C12orf42: variants seen among roughly 807,000 people sequenced by gnomAD.
The protein encoded by C12orf42 is uncharacterized protein C12orf42.
Under a neutral mutation model 21.6 loss-of-function variants are expected in C12orf42, and 25 were observed. The observed-to-expected ratio is 1.16, with a 90% confidence interval of 0.84 to 1.62. The LOEUF (loss-of-function observed/expected upper bound fraction) is 1.62, where lower values mean the gene tolerates loss of function less well. Ranked by LOEUF, C12orf42 falls within the 40% of genes most tolerant of loss-of-function variation. C12orf42 has a pLI of 0.00. For synonymous variants in C12orf42, 174 were observed against 175.0 expected, an observed-to-expected ratio of 0.99 and a Z score of 0.05; for missense variants, 483 against 459.3, an observed-to-expected ratio of 1.05 and a Z score of -0.47.
intron 2 of C12orf42, among the ~76,000 whole-genome samples, chr12:103,409,008 A>C (rs1355321851): frequency 6.6e-6 from 1 of 152,236 alleles, no homozygotes; most frequent in Non-Finnish European, 1.5e-5. Flanking sequence ...ACAGGAATAA[A>C]GAGAGTTAGG....
At chr12:103,542,739 T>A in the C12orf42 span, among the ~76,000 whole-genome samples, 4 of 152,252 alleles carry the variant, frequency 2.6e-5, no homozygotes, top group African/African-American at 9.6e-5. Flanking sequence ...CTCCTGCACA[T>A]CCTCCTTTTA....
In C12orf42 at chr12:103,405,044, A is replaced by G. The variant is rs12306992; in HGVS notation, c.79-3369T>C. 6.2e-3 allele frequency among the ~76,000 whole-genome samples: 946 copies of G among 152,324 alleles called. 6 individuals are homozygous for G. The highest frequency in any genetic ancestry group is 0.021 in the African/African-American group (864 of 41,562). On this transcript the variant is annotated intron_variant, in intron 2 of 5. Transcript: ENST00000548883. ...TCCTTGTCACTGACGATTTTGTAACATGATTCTCCAGATGAGTGTTTGACC... is the reference window on the plus strand; with the variant it reads ...TCCTTGTCACTGACGATTTTGTAACGTGATTCTCCAGATGAGTGTTTGACC...
At chr12:103,520,812 G>C in the C12orf42 span, among the ~76,000 whole-genome samples, 2 of 152,218 alleles carry the variant, frequency 1.3e-5, no homozygotes, top group Non-Finnish European at 2.9e-5. Flanking sequence ...ACACTCATCT[G>C]TCTCTCTCTT....
chr12:103,521,289 C>G, the C12orf42 span, among the ~76,000 whole-genome samples: 1 of 152,150 alleles, frequency 6.6e-6, no homozygotes, highest in Non-Finnish European at 1.5e-5. Flanking sequence ...GACATGGAAT[C>G]AATCCAAATG....
intron 2 of C12orf42, among the ~76,000 whole-genome samples, chr12:103,462,096 G>GTTTTTTGTTTTTTTTT: frequency 3.6e-5 from 1 of 27,732 alleles, no homozygotes; most frequent in East Asian, 1.1e-3. Flanking sequence ...TTTTTGCTTG[G>GTTTTTTGTTTTTTTTT]TTTTTTTTTT....
intron 4 of C12orf42, among the ~76,000 whole-genome samples, chr12:103,281,031 A>G (rs2036081852): frequency 6.6e-6 from 1 of 152,224 alleles, no homozygotes; most frequent in Non-Finnish European, 1.5e-5. Flanking sequence ...TGGCATCTAA[A>G]CTGACAGTTG....
At chr12:103,433,964 T>A (rs373951724) in intron 2 of C12orf42, among the ~76,000 whole-genome samples, 1 of 152,350 alleles carries the variant, frequency 6.6e-6, no homozygotes, top group South Asian at 2.1e-4. Context: ...AATGGCATGA[T>A]GTTCGAGAAT....
chr12:103,257,347 G>T (rs1322190215), intron 10 of C12orf42, among the ~76,000 whole-genome samples: 1 of 151,890 alleles, frequency 6.6e-6, no homozygotes, highest in African/African-American at 2.4e-5. Context: ...ATATACCCCT[G>T]AATATAAAAT....
chr12:103,542,175 T>C, the C12orf42 span, among the ~76,000 whole-genome samples: 1 of 152,236 alleles, frequency 6.6e-6, no homozygotes, highest in African/African-American at 2.4e-5. Flanking sequence ...TTTCTTGGGA[T>C]GTTGAAAGAA....
intron 4 of C12orf42, among the ~76,000 whole-genome samples, chr12:103,308,196 C>T (rs1384938585): frequency 3.9e-5 from 6 of 152,012 alleles, no homozygotes; most frequent in Non-Finnish European, 8.8e-5. Flanking sequence ...TAGTAGTTGG[C>T]ATTTAGAAAA....
At chr12:103,357,235 A>G (rs2137601440) in intron 4 of C12orf42, among the ~76,000 whole-genome samples, 1 of 151,964 alleles carries the variant, frequency 6.6e-6, no homozygotes, top group Non-Finnish European at 1.5e-5. Flanking sequence ...AGCATGGCAC[A>G]TGTGTACATA....
At chr12:103,436,401 A>C (rs567076211) in intron 2 of C12orf42, among the ~76,000 whole-genome samples, 1 of 152,176 alleles carries the variant, frequency 6.6e-6, no homozygotes, top group East Asian at 1.9e-4. Flanking sequence ...ACACATAAAA[A>C]TATTAACTTT....
chr12:103,322,149 A>G (rs1034181286), intron 4 of C12orf42, among the ~76,000 whole-genome samples: 5 of 148,272 alleles, frequency 3.4e-5, no homozygotes, highest in African/African-American at 1.3e-4. Flanking sequence ...ACACACACAC[A>G]CGCACACGCA....
chr12:103,489,252 C>A (rs1459216944), intron 1 of C12orf42, among the ~76,000 whole-genome samples: 3 of 152,212 alleles, frequency 2.0e-5, no homozygotes, highest in Non-Finnish European at 4.4e-5. Flanking sequence ...ACTCCAGACC[C>A]TGTTTGCCTG....
chr12:103,543,884 TTTTTTTGTTTTG>T, the C12orf42 span, among the ~76,000 whole-genome samples: 1 of 112,842 alleles, frequency 8.9e-6, no homozygotes, highest in Admixed American at 7.9e-5. Flanking sequence ...TTTTGGGTTT[TTTTTTTGTTTTG>T]TTTTTTGTTT....
chr12:103,402,441 C>T (rs2048081016), intron 2 of C12orf42, among the ~76,000 whole-genome samples: 1 of 152,130 alleles, frequency 6.6e-6, no homozygotes, highest in Non-Finnish European at 1.5e-5. Context: ...TAGTCATGCT[C>T]CTCAAGGTCT....
chr12:103,057,955 A>T, the C12orf42 span, among the ~76,000 whole-genome samples: 1 of 151,604 alleles, frequency 6.6e-6, no homozygotes, highest in African/African-American at 2.4e-5. Context: ...GATCAGTGAT[A>T]ATGAGCTTTT....
the C12orf42 span, among the ~76,000 whole-genome samples, chr12:103,511,898 A>C: frequency 6.6e-6 from 1 of 152,210 alleles, no homozygotes; most frequent in South Asian, 2.1e-4. Context: ...AAAGGACACA[A>C]TCAGGGCAGC....
chr12:103,109,876 A>G, the C12orf42 span, among the ~76,000 whole-genome samples: 3 of 152,128 alleles, frequency 2.0e-5, no homozygotes, highest in Non-Finnish European at 4.4e-5. Context: ...CTCAATGTCC[A>G]CAATGAAATG....
Sources: allele counts gnomAD v4.1 joint callset (sites outside exome capture counted in the v4.1 genomes callset), GRCh38; gene constraint gnomAD v4.1.1; transcripts MANE v1.5; gene names NCBI Gene and HGNC (gene_info 2026-07-23, HGNC 2026-07-21).